The following ZC3H11B variants were observed in gnomAD, a reference collection of about 807,000 sequenced individuals.
The protein encoded by ZC3H11B is zinc finger CCCH domain-containing protein 11B.
A neutral mutation model predicts 34.0 loss-of-function variants in ZC3H11B; 3 were observed. That is an observed-to-expected ratio of 0.09 (90% CI 0.04 to 0.23). The LOEUF (loss-of-function observed/expected upper bound fraction) is 0.23, where lower values mean the gene tolerates loss of function less well. ZC3H11B is among the 10% of genes least tolerant of loss of function. ZC3H11B has a pLI of 1.00. For missense variants in ZC3H11B, 99 were observed against 660.1 expected, an observed-to-expected ratio of 0.15 and a Z score of 9.31; for synonymous variants, 33 against 250.1, an observed-to-expected ratio of 0.13 and a Z score of 8.19.
exon 2 of ZC3H11B, chr1:219,611,237 C>T: frequency 2.3e-6 from 2 of 878,048 alleles, no homozygotes; most frequent in Non-Finnish European, 3.9e-6. Context: ...CCCAATCTAA[C>T]CAAGGGTTCT....
chr1:219,608,438 A>G (rs1667948998), exon 2 of ZC3H11B: 1 of 152,138 alleles, frequency 6.6e-6, no homozygotes, highest in Admixed American at 6.6e-5. Flanking sequence ...AAATATCAAA[A>G]TGAGTAAGTC....
rs182508538 is a variant in ZC3H11B at position 219,611,822 on chromosome 1, C to T, written c.241G>A (p.Val81Ile). 1.0e-5 allele frequency: 11 copies of T among 1,077,428 alleles called. 4 individuals carry two copies. The Admixed American group carries it at 2.3e-4, about 22-fold the overall frequency. 66.7% of individuals were successfully genotyped at this position (1,077,428 alleles called of 1,614,324 possible). A position where few individuals can be genotyped will look rare whatever the true frequency, so the allele number is the denominator to read the frequency against. Residue 81 changes from valine (V) to isoleucine (I), a missense_variant, in exon 2 of 2, where the codon GTT (valine) becomes ATT (isoleucine). Val to Ile is a conservative substitution (Grantham distance 29). Coordinates refer to ENST00000651890, the Ensembl canonical transcript of ZC3H11B. ...TATCGTCCTCTATTGTGATGGAAAA[C>T]GCAGTTTAATTTTTGACATCCTGTT...
At chr1:219,611,137 T>C in exon 2 of ZC3H11B, 1 of 1,613,820 alleles carries the variant, frequency 6.2e-7, no homozygotes. Context: ...TTCAACTTTC[T>C]TCCCTAGCCT....
chr1:219,609,336 C>G (rs1229933202), exon 2 of ZC3H11B: 1 of 438,950 alleles, frequency 2.3e-6, no homozygotes, highest in African/African-American at 2.0e-5. Context: ...TTGCTTGCAC[C>G]CTTTCACTTG....
At chr1:219,608,177 AGTCAGC>A (rs1181902617) in exon 2 of ZC3H11B, among the ~76,000 whole-genome samples, 4 of 152,282 alleles carry the variant, frequency 2.6e-5, no homozygotes, top group South Asian at 4.1e-4. Flanking sequence ...TACAACATTC[AGTCAGC>A]TGAAGATGGA....
chr1:219,609,292 C>G (rs1441159157), exon 2 of ZC3H11B: 3 of 303,798 alleles, frequency 9.9e-6, no homozygotes, highest in African/African-American at 6.7e-5. Flanking sequence ...AGAAAAAAGC[C>G]AAAACTGACA....
rs1326446158 is a variant in ZC3H11B at position 219,612,027 on chromosome 1, G to GA, written c.35dup (p.Tyr13LeufsTer8). On this transcript the variant is annotated frameshift_variant, in exon 2 of 2. Transcript: ENST00000651890. LOFTEE classifies it high-confidence loss of function. ...TGTCACCTTTGGTACATGTAGAATA[G>GA]AAAAAAAAATAGCAGTCTTCTCCTT... is the stretch of plus-strand genomic sequence containing the variant. The GA allele has an allele frequency of 8.4e-4, 546 of 652,464 alleles. No homozygotes were observed. The highest frequency in any genetic ancestry group is 1.2e-3 in the Admixed American group (47 of 39,144). The allele number at this position is 652,464 out of a possible 1,614,324, so 40.4% of individuals were successfully genotyped here. A position where few individuals can be genotyped will look rare whatever the true frequency, so the allele number is the denominator to read the frequency against.
exon 2 of ZC3H11B, chr1:219,608,946 G>A (rs1221363170): frequency 6.6e-6 from 1 of 152,204 alleles, no homozygotes; most frequent in Non-Finnish European, 1.5e-5. Context: ...TTAGTTTCAG[G>A]GGACCCCTGA....
At chr1:219,608,475 T>C (rs1462571426) in exon 2 of ZC3H11B, 1 of 152,100 alleles carries the variant, frequency 6.6e-6, no homozygotes, top group African/African-American at 2.4e-5. Flanking sequence ...CCTGATTATA[T>C]ACAACATATC....
At chr1:219,608,487 C>G (rs1667949839) in exon 2 of ZC3H11B, 1 of 152,080 alleles carries the variant, frequency 6.6e-6, no homozygotes, top group Admixed American at 6.6e-5. Flanking sequence ...CAACATATCT[C>G]CTTTCAAGAC....
At chr1:219,608,499 A>G (rs1667949923) in exon 2 of ZC3H11B, 2 of 152,024 alleles carry the variant, frequency 1.3e-5, no homozygotes, top group Non-Finnish European at 2.9e-5. Context: ...TTTCAAGACT[A>G]TTATTTCCAT....
chr1:219,609,260 T>C (rs1413785025), exon 2 of ZC3H11B: 1 of 248,338 alleles, frequency 4.0e-6, no homozygotes, highest in Admixed American at 5.1e-5. Flanking sequence ...ATTAAGACAA[T>C]ACATAAAGAA....
exon 2 of ZC3H11B, chr1:219,608,794 A>G (rs1667956194): frequency 6.6e-6 from 1 of 152,616 alleles, no homozygotes; most frequent in Non-Finnish European, 1.5e-5. Flanking sequence ...AAATTAACCA[A>G]ATTTTGTCCC....
exon 2 of ZC3H11B, chr1:219,609,104 G>A (rs962609565): frequency 1.7e-5 from 3 of 172,090 alleles, no homozygotes; most frequent in Admixed American, 1.6e-4. Flanking sequence ...CCTCTTTAAA[G>A]CTTAGTTGAA....
exon 2 of ZC3H11B, chr1:219,609,331 T>C (rs1223977508): frequency 2.3e-6 from 1 of 428,160 alleles, no homozygotes; most frequent in East Asian, 5.0e-5. Flanking sequence ...TAAGTTTGCT[T>C]GCACCCTTTC....
chr1:219,612,335 C>T lies in ZC3H11B; in HGVS notation c.-273G>A, dbSNP rs1668013663. On this transcript the variant is annotated 5_prime_UTR_variant, in exon 2 of 2. In the 5' UTR this introduces an upstream ATG that the reference lacks. Coordinates refer to ENST00000651890, the Ensembl canonical transcript of ZC3H11B. ...GAGGCAGAAAAAATTTTCCTCCTCA[C>T]ATTGCCAAGAAAACCTCTCAGCCAC... is the stretch of plus-strand genomic sequence containing the variant. 2.3e-5 allele frequency: 10 copies of T among 435,402 alleles called. No individual in the cohort carries two copies. The highest frequency in any genetic ancestry group is 4.0e-5 in the Non-Finnish European group (10 of 251,398). 27.0% of individuals were successfully genotyped at this position (435,402 alleles called of 1,614,324 possible).
chr1:219,609,077 T>C (rs1318229214), exon 2 of ZC3H11B: 1 of 164,292 alleles, frequency 6.1e-6, no homozygotes, highest in African/African-American at 2.4e-5. Flanking sequence ...CATTACAGGC[T>C]TCCTGAGTTG....
At chr1:219,611,145 C>A in exon 2 of ZC3H11B, 1 of 1,613,876 alleles carries the variant, frequency 6.2e-7, no homozygotes, top group Admixed American at 1.7e-5. Flanking sequence ...TCTTCCCTAG[C>A]CTCTGTGCCA....
At chr1:219,612,264 AT>A (rs1224969115) in exon 2 of ZC3H11B, 1 of 523,164 alleles carries the variant, frequency 1.9e-6, no homozygotes, top group African/African-American at 2.4e-5. Context: ...CCAATCTATT[AT>A]GCCTGTAGGT....
Sources: allele counts gnomAD v4.1 joint callset (sites outside exome capture counted in the v4.1 genomes callset), GRCh38; gene constraint gnomAD v4.1.1; transcripts MANE v1.5; gene names NCBI Gene and HGNC (gene_info 2026-07-23, HGNC 2026-07-21).